DNAJC7: variants seen among roughly 807,000 people sequenced by gnomAD.
DNAJC7 encodes the protein dnaJ homolog subfamily C member 7.
DNAJC7 carries 18 observed loss-of-function variants against 67.4 expected under a neutral mutation model. The ratio of observed to expected loss-of-function variants is 0.27; its 90% CI spans 0.18 to 0.40. DNAJC7 has a LOEUF of 0.40. DNAJC7 is among the 10% of genes least tolerant of loss of function. The probability of loss-of-function intolerance (pLI) is 1.00; values close to 1 mark genes in which losing one functional copy is unlikely to be tolerated. For synonymous variants in DNAJC7, 220 were observed against 207.8 expected, an observed-to-expected ratio of 1.06 and a Z score of -0.50; for missense variants, 419 against 613.8, an observed-to-expected ratio of 0.68 and a Z score of 3.35.
intron 1 of DNAJC7, chr17:42,016,962 C>T: frequency 8.3e-7 from 1 of 1,208,730 alleles, no homozygotes; most frequent in South Asian, 1.6e-5. Flanking sequence ...GGCAACAATG[C>T]ACAGAAGTTA....
chr17:41,987,053 A>ATT (rs1555646980), intron 9 of DNAJC7, among the ~76,000 whole-genome samples: 3 of 152,182 alleles, frequency 2.0e-5, no homozygotes, highest in Non-Finnish European at 4.4e-5. Flanking sequence ...CTAGAGAATA[A>ATT]TCTGAAATCA....
At chr17:42,006,316 G>A (rs2143309977) in intron 1 of DNAJC7, among the ~76,000 whole-genome samples, 1 of 151,490 alleles carries the variant, frequency 6.6e-6, no homozygotes, top group African/African-American at 2.4e-5. Flanking sequence ...ACCACGCCTG[G>A]CCAATTTTTT....
intron 9 of DNAJC7, chr17:41,985,909 T>C (rs782421831): frequency 5.9e-5 from 9 of 152,242 alleles, no homozygotes; most frequent in Non-Finnish European, 8.8e-5. Context: ...GTTCTGTTTC[T>C]ACCACAAAGA....
In DNAJC7 at chr17:41,998,594, G is replaced by C. The variant is rs183163824; in HGVS notation, c.167-1355C>G. Among the ~76,000 whole-genome samples, 316 of 152,320 alleles carry C rather than the reference G, an allele frequency of 2.1e-3. 14 individuals carry two copies. Among genetic ancestry groups the C allele is most frequent in the Admixed American group, 0.021 (315 of 15,298 alleles). ...AAGTGTAGTGATTATCTTTTGAGGA[G>C]AGAGGCAGCTTATTAATCTTAATGA... On this transcript the variant is annotated intron_variant, in intron 2 of 13. Transcript: ENST00000457167.
At chr17:42,009,247 T>G (rs2052054290) in intron 1 of DNAJC7, among the ~76,000 whole-genome samples, 1 of 152,086 alleles carries the variant, frequency 6.6e-6, no homozygotes, top group Non-Finnish European at 1.5e-5. Context: ...ATGAAGAAAA[T>G]TCCTTAACAT....
intron 5 of DNAJC7, 139 bp downstream of exon 5, chr17:41,994,731 A>T (rs782383502): frequency 6.9e-5 from 47 of 683,628 alleles, no homozygotes; most frequent in Non-Finnish European, 1.0e-4. Context: ...TAAGAGGAAA[A>T]GTCAGAAGCC....
At chr17:41,983,159 C>T (rs1306035773) in intron 10 of DNAJC7, among the ~76,000 whole-genome samples, 1 of 151,868 alleles carries the variant, frequency 6.6e-6, no homozygotes, top group Non-Finnish European at 1.5e-5. Flanking sequence ...AAGTCTCGCT[C>T]CGTCACCCAG....
intron 1 of DNAJC7, chr17:42,014,865 C>T (rs2052223833): frequency 6.6e-6 from 1 of 150,980 alleles, no homozygotes; most frequent in East Asian, 1.9e-4. Flanking sequence ...AGTCTTTTTT[C>T]TTTTTTTAAT....
At chr17:42,016,541 G>C (rs1223143796) in intron 1 of DNAJC7, 2 of 152,292 alleles carry the variant, frequency 1.3e-5, no homozygotes, top group Admixed American at 6.5e-5. Context: ...CCAATAATCT[G>C]GCCTAACTGT....
At chr17:41,996,466 C>T (rs782266139) in intron 3 of DNAJC7, 42 bp from the exon 4 acceptor site, 1 of 1,574,372 alleles carries the variant, frequency 6.4e-7, no homozygotes, top group African/African-American at 1.4e-5. Context: ...CATGATTGGC[C>T]AAGTGGAAAG....
chr17:41,977,947 C>T (rs1229038109), intron 12 of DNAJC7, among the ~76,000 whole-genome samples: 2 of 152,096 alleles, frequency 1.3e-5, no homozygotes, highest in Admixed American at 1.3e-4. Flanking sequence ...CAGCAAGACC[C>T]TGTCTTAATA....
In DNAJC7 at chr17:41,994,886, T is replaced by C. The variant is rs200435568; in HGVS notation, c.464A>G (p.Lys155Arg). 1.3e-4 allele frequency: 211 copies of C among 1,613,858 alleles called. No homozygotes were observed. Among genetic ancestry groups the C allele is most frequent in the Non-Finnish European group, 1.7e-4 (201 of 1,179,882 alleles). ...GTACTGTACCTTCCGAAAATCTCGC[T>C]TCTCAAAATCTGTTTCTGCTATTTT... ...YEKIAETDFE[K>R]RDFRKVVFCM... The change falls in exon 5 of 14, where the codon AAG becomes AGG. Residue 155 changes from lysine to arginine, a missense_variant. Lys to Arg is a conservative substitution (Grantham distance 26). Around this residue, in one of 4 missense-constraint regions of DNAJC7, gnomAD observed 179 missense variants for 249.7 expected, o/e 0.72. Transcript: ENST00000457167.
rs2051112149 is a variant in DNAJC7 at position 41,977,267 on chromosome 17, AGCT to A, written c.1438_1440del (p.Ser480del). ...GAACAGCAGGCCCACCTACCTTCAA[AGCT>A]GAAGCCGCCAGGACCGCCAAAGAAT... is the stretch of plus-strand genomic sequence containing the variant. On this transcript the variant is annotated inframe_deletion, in exon 13 of 14. Coordinates refer to ENST00000457167, the MANE Select transcript of DNAJC7 (RefSeq NM_003315.4). 2 of 1,580,530 alleles carry A rather than the reference AGCT, an allele frequency of 1.3e-6. No individual in the cohort carries two copies. The highest frequency in any genetic ancestry group is 3.7e-5 in the Admixed American group (2 of 54,648).
chr17:41,988,819 T>C lies in DNAJC7; in HGVS notation c.831A>G (p.Glu277=). 1 of 1,613,964 alleles carries C rather than the reference T, an allele frequency of 6.2e-7. No homozygotes were observed. Among genetic ancestry groups the C allele is most frequent in the South Asian group, 1.1e-5 (1 of 91,060 alleles). ...CTATCCCCAGGGCTTCTGTGTACAG[T>C]TCATATGCTAGTTTGTAATTTCCTT... ...FKEGNYKLAY[E]LYTEALGIDP... The change falls in exon 8 of 14, where the codon GAA becomes GAG. Residue 277 remains glutamate, a synonymous_variant. Transcript: ENST00000457167.
Position 41,996,436 on chromosome 17 carries a change from C to T in DNAJC7, c.292-12G>A, listed in dbSNP as rs1555648651. On this transcript the variant is annotated splice_polypyrimidine_tract_variant and intron_variant, in intron 3 of 13. Transcript: ENST00000457167. ...TCTCGTAGATGTCCCTAAAAGAACACCAAGAGGGAAGAAAAGAAGCATGAT... is the reference window on the plus strand; with the variant it reads ...TCTCGTAGATGTCCCTAAAAGAACATCAAGAGGGAAGAAAAGAAGCATGAT... 6.2e-7 allele frequency: 1 copy of T among 1,603,534 alleles called. No homozygotes were observed. Among genetic ancestry groups the T allele is most frequent in the Admixed American group, 1.8e-5 (1 of 56,504 alleles).
intron 1 of DNAJC7, among the ~76,000 whole-genome samples, chr17:42,010,206 G>A (rs905938940): frequency 6.7e-6 from 1 of 149,846 alleles, no homozygotes; most frequent in Non-Finnish European, 1.5e-5. Context: ...TTCCTAGGCC[G>A]GGTGCAGTGG....
Position 41,977,340 on chromosome 17 carries a change from G to GT in DNAJC7, c.1385-18dup. The stretch of plus-strand genomic sequence containing the variant: ...GATCAAAATCTGTAGAGCAGGGCAA[G>GT]TAACATGGAAGGGAAGAAAAGGTGA... On this transcript the variant is annotated splice_polypyrimidine_tract_variant and intron_variant, in intron 12 of 13. Coordinates refer to ENST00000457167, the MANE Select transcript of DNAJC7 (RefSeq NM_003315.4). 6.4e-7 allele frequency: 1 copy of GT among 1,570,636 alleles called. No homozygotes were observed. The highest frequency in any genetic ancestry group is 8.6e-7 in the Non-Finnish European group (1 of 1,157,214).
At position 41,990,562 on chromosome 17, in the gene DNAJC7, G is replaced by C. The variant is rs534192780; in HGVS notation, c.481-180C>G. ...AAATAAAAGCACTGAAATGAGGACA[G>C]CAAAGGCTCCAGATGATAATGAGGA... On this transcript the variant is annotated intron_variant, in intron 5 of 13. Coordinates refer to ENST00000457167, the MANE Select transcript of DNAJC7 (RefSeq NM_003315.4). Among the ~76,000 whole-genome samples the C allele has an allele frequency of 3.3e-5, 5 of 152,130 alleles. No homozygotes were observed. The South Asian group carries it at 1.0e-3, about 32-fold the overall frequency.
chr17:42,007,716 G>T (rs2052004197), intron 1 of DNAJC7, among the ~76,000 whole-genome samples: 2 of 151,386 alleles, frequency 1.3e-5, no homozygotes, highest in Non-Finnish European at 2.9e-5. Context: ...TAGAGATGGG[G>T]TTTCACTATG....
Sources: gnomAD v4.1 joint callset for allele counts (sites outside exome capture counted in the v4.1 genomes callset) on GRCh38, gnomAD v4.1.1 for gene constraint, gnomAD v4.1.1 regional missense constraint, MANE v1.5 for transcripts, NCBI Gene and HGNC (gene_info 2026-07-23, HGNC 2026-07-21) for gene names.